The following TASP1 variants were observed in gnomAD, a reference collection of about 807,000 sequenced individuals.
The protein encoded by TASP1 is threonine aspartase 1.
TASP1 carries 16 observed loss-of-function variants against 56.6 expected under a neutral mutation model. That is an observed-to-expected ratio of 0.28 (90% CI 0.19 to 0.43). The LOEUF (loss-of-function observed/expected upper bound fraction) is 0.43. Ranked by LOEUF, TASP1 falls within the 20% of genes least tolerant of loss-of-function variation. The pLI is 1.00. For synonymous variants in TASP1, 179 were observed against 184.2 expected (o/e 0.97, Z 0.23); for missense variants, 393 against 511.6 (o/e 0.77, Z 2.24).
chr20:13,621,649 TTTCAAAATGTA>T (rs747451483), intron 4 of TASP1, among the ~76,000 whole-genome samples: 2 of 152,204 alleles, frequency 1.3e-5, no homozygotes, highest in African/African-American at 2.4e-5. Flanking sequence ...AAACTCATTA[TTTCAAAATGTA>T]TTTTTATCAT....
chr20:13,313,626 T>G, the TASP1 span, among the ~76,000 whole-genome samples: 1 of 152,236 alleles, frequency 6.6e-6, no homozygotes, highest in Admixed American at 6.5e-5. Context: ...TCTGCTAAAT[T>G]TAATTTGTCT....
intron 8 of TASP1, among the ~76,000 whole-genome samples, chr20:13,550,251 A>C (rs1369477202): frequency 6.6e-6 from 1 of 151,898 alleles, no homozygotes; most frequent in African/African-American, 2.4e-5. Context: ...GATGATTGGC[A>C]TAAAGTACTA....
chr20:13,466,681 C>A (rs1274497434), intron 11 of TASP1, among the ~76,000 whole-genome samples: 1 of 152,140 alleles, frequency 6.6e-6, no homozygotes, highest in Non-Finnish European at 1.5e-5. Flanking sequence ...GTGGAAGTTG[C>A]ACTGAGCTAA....
the TASP1 span, among the ~76,000 whole-genome samples, chr20:13,234,435 G>T: frequency 6.6e-6 from 1 of 152,116 alleles, no homozygotes. Flanking sequence ...GTATCTTTTT[G>T]ATGTATTGAT....
intron 11 of TASP1, among the ~76,000 whole-genome samples, chr20:13,442,293 G>GACAC (rs35295009): frequency 1.6e-4 from 23 of 147,862 alleles, no homozygotes; most frequent in Admixed American, 5.4e-4. Flanking sequence ...CACAGACACA[G>GACAC]ACACACACAC....
chr20:13,160,706 C>T, the TASP1 span, among the ~76,000 whole-genome samples: 1 of 152,182 alleles, frequency 6.6e-6, no homozygotes, highest in Non-Finnish European at 1.5e-5. Flanking sequence ...AACATAAATG[C>T]AGTTTTGCAA....
chr20:13,247,900 G>T, the TASP1 span, among the ~76,000 whole-genome samples: 3 of 152,150 alleles, frequency 2.0e-5, no homozygotes, highest in Admixed American at 2.0e-4. Flanking sequence ...TCTAACCACA[G>T]TGCAAAAGTG....
At chr20:13,351,366 T>C in the TASP1 span, among the ~76,000 whole-genome samples, 4 of 152,196 alleles carry the variant, frequency 2.6e-5, no homozygotes, top group Non-Finnish European at 5.9e-5. Context: ...CTCACACAGA[T>C]ACCTGGTCAC....
At chr20:13,468,338 C>T (rs2044344512) in intron 11 of TASP1, among the ~76,000 whole-genome samples, 1 of 150,846 alleles carries the variant, frequency 6.6e-6, no homozygotes, top group Non-Finnish European at 1.5e-5. Flanking sequence ...ATAAGCTGCT[C>T]CCTGTTGATG....
At chr20:13,252,930 GC>G in the TASP1 span, among the ~76,000 whole-genome samples, 50 of 152,080 alleles carry the variant, frequency 3.3e-4, no homozygotes, top group African/African-American at 1.1e-3. Flanking sequence ...GGGGTCCCCA[GC>G]CCCCCCTCTC....
intron 13 of TASP1, among the ~76,000 whole-genome samples, chr20:13,400,681 G>C (rs1313307579): frequency 2.6e-5 from 4 of 152,160 alleles, no homozygotes; most frequent in Non-Finnish European, 5.9e-5. Context: ...CAAACTGTCA[G>C]TACCTACCAC....
chr20:13,247,342 ATGT>A, the TASP1 span, among the ~76,000 whole-genome samples: 2 of 152,136 alleles, frequency 1.3e-5, no homozygotes, highest in South Asian at 2.1e-4. Flanking sequence ...GCATCAGGAA[ATGT>A]TGTGTCTTTA....
chr20:13,525,801 T>A (rs1443916125), intron 10 of TASP1, among the ~76,000 whole-genome samples: 1 of 152,026 alleles, frequency 6.6e-6, no homozygotes, highest in Non-Finnish European at 1.5e-5. Flanking sequence ...TCACACAAAG[T>A]CCAACGGACA....
intron 11 of TASP1, among the ~76,000 whole-genome samples, chr20:13,436,201 G>C (rs979546483): frequency 1.2e-4 from 18 of 152,104 alleles, no homozygotes; most frequent in Non-Finnish European, 2.4e-4. Context: ...GAAATTGTAG[G>C]CTTCAAGATC....
the TASP1 span, among the ~76,000 whole-genome samples, chr20:13,158,591 G>A: frequency 0.014 from 2,181 of 152,214 alleles, 26 homozygotes; most frequent in South Asian, 0.028. Context: ...GTGCAGTTCC[G>A]TGGGCAGCCT....
intron 4 of TASP1, among the ~76,000 whole-genome samples, chr20:13,619,173 C>T (rs1245770185): frequency 2.0e-5 from 3 of 152,190 alleles, no homozygotes; most frequent in Non-Finnish European, 4.4e-5. Context: ...GCTGGGATTA[C>T]AGGCATGAGC....
the TASP1 span, among the ~76,000 whole-genome samples, chr20:13,335,508 G>C: frequency 6.6e-6 from 1 of 152,144 alleles, no homozygotes; most frequent in Middle Eastern, 3.4e-3. Flanking sequence ...CAATCATAGT[G>C]TCTTACTCTT....
At chr20:13,182,381 T>C in the TASP1 span, among the ~76,000 whole-genome samples, 1 of 152,226 alleles carries the variant, frequency 6.6e-6, no homozygotes, top group Non-Finnish European at 1.5e-5. Flanking sequence ...TATTTAGTTA[T>C]CTGCTGTCAC....
chr20:13,480,532 G>A (rs899833550), intron 11 of TASP1, among the ~76,000 whole-genome samples: 1 of 152,144 alleles, frequency 6.6e-6, no homozygotes, highest in African/African-American at 2.4e-5. Context: ...TTTCTAAGAT[G>A]GGGCTCAATA....
Sources: allele counts gnomAD v4.1 joint callset (sites outside exome capture counted in the v4.1 genomes callset), GRCh38; gene constraint gnomAD v4.1.1; transcripts MANE v1.5; gene names NCBI Gene and HGNC (gene_info 2026-07-23, HGNC 2026-07-21).